GZMH: variants seen among roughly 807,000 people sequenced by gnomAD.
GZMH encodes cathepsin G-like 2, protein h-CCPX.
A neutral mutation model predicts 20.7 loss-of-function variants in GZMH; 24 were observed. That is an observed-to-expected ratio of 1.16 (90% CI 0.84 to 1.63). GZMH has a LOEUF of 1.63. GZMH is among the 40% of genes most tolerant of loss of function. GZMH has a pLI of 0.00. For missense variants in GZMH, 344 were observed against 302.7 expected (o/e 1.14, Z -1.01); for synonymous variants, 119 against 116.1 (o/e 1.02, Z -0.16).
In GZMH at chr14:24,608,381, G is replaced by A. The variant is rs759866455; in HGVS notation, c.87C>T (p.Pro29=). The A allele has an allele frequency of 2.3e-5, 37 of 1,613,990 alleles. No homozygotes were observed. The East Asian group carries it at 6.2e-4, about 27-fold the overall frequency. ...CAAAGGCCATGTAGGGGCGGGAGTG[G>A]GGCTTGGCCTCATGGCCCCCGATGA... ...EEIIGGHEAK[P]HSRPYMAFVQ... The change falls in exon 2 of 5, where the codon CCC becomes CCT. Residue 29 remains proline (P), a synonymous_variant. Coordinates refer to ENST00000216338, the MANE Select transcript of GZMH (RefSeq NM_033423.5).
chr14:24,608,483 G>T, intron 1 of GZMH, 71 bp from the exon 2 acceptor site: 1 of 1,533,108 alleles, frequency 6.5e-7, no homozygotes, highest in Non-Finnish European at 9.0e-7. Flanking sequence ...TAGGACGACA[G>T]TGATTGAGGG....
Position 24,608,245 on chromosome 14 carries a change from G to C in GZMH, c.203+20C>G, listed in dbSNP as rs767906593. The C allele has an allele frequency of 6.2e-7, 1 of 1,613,834 alleles. No individual in the cohort carries two copies. On this transcript the variant is annotated intron_variant, in intron 2 of 4. Coordinates refer to ENST00000216338, the MANE Select transcript of GZMH (RefSeq NM_033423.5). ...TCCCTGTAGGGGGAACTCAGGAGGT[G>C]AGCTGGTGCTGCTCCTTACCTTCCC...
chr14:24,607,924 A>T (rs146149215), intron 2 of GZMH, among the ~76,000 whole-genome samples, 177 bp from the exon 3 acceptor site: 1 of 152,242 alleles, frequency 6.6e-6, no homozygotes, highest in African/African-American at 2.4e-5. Context: ...CATGAAGAGT[A>T]GGGCTTCTGG....
In GZMH at chr14:24,606,628, A is replaced by C. The variant is rs1243691928; in HGVS notation, c.716T>G (p.Ile239Arg). ...TTAGAGGCGCTTCATTGTTCTCTTT[A>C]TCCAGGGCAGGAAGTGTGAGACCTT... ...YIKVSHFLPWIKRTMKRL is the reference protein window; with the variant it reads ...YIKVSHFLPWRKRTMKRL The change falls in exon 5 of 5, where the codon ATA (isoleucine) becomes AGA (arginine). Residue 239 changes from isoleucine to arginine, a missense_variant. Physicochemically the swap from Ile to Arg is moderately conservative, Grantham distance 97. Transcript: ENST00000216338. The C allele has an allele frequency of 6.2e-7, 1 of 1,613,964 alleles. No homozygotes were observed. The highest frequency in any genetic ancestry group is 1.1e-5 in the South Asian group (1 of 91,072).
intron 1 of GZMH, among the ~76,000 whole-genome samples, chr14:24,609,019 G>A (rs1295929087): frequency 1.3e-5 from 2 of 152,248 alleles, no homozygotes; most frequent in Non-Finnish European, 2.9e-5. Context: ...GGCCTGCAAA[G>A]GCAGAAGGAA....
Position 24,607,198 on chromosome 14 carries a change from G to A in GZMH, c.548C>T (p.Ala183Val), listed in dbSNP as rs2066875549. The part of the protein sequence containing the change: ...ERLFHGNYSR[A>V]TEICVGDPKK... Reference sequence around the variant, plus strand: ...TGGATCCCCCACACAAATCTCAGTGGCTCTGCTGTAATTGCCATGGAAGAG... The same window carrying A: ...TGGATCCCCCACACAAATCTCAGTGACTCTGCTGTAATTGCCATGGAAGAG... Residue 183 changes from alanine (A) to valine (V), a missense_variant, in exon 4 of 5, where the codon GCC (alanine) becomes GTC (valine). Ala to Val is a moderately conservative substitution (Grantham distance 64). Coordinates refer to ENST00000216338, the MANE Select transcript of GZMH (RefSeq NM_033423.5). 6.2e-7 allele frequency: 1 copy of A among 1,614,102 alleles called. No individual in the cohort carries two copies. Among genetic ancestry groups the A allele is most frequent in the Non-Finnish European group, 8.5e-7 (1 of 1,179,976 alleles).
In GZMH at chr14:24,607,178, C is replaced by A; in HGVS notation, c.568G>T (p.Asp190Tyr). ...AAACCGGTCTGTGTCTTCTTTGGATCCCCCACACAAATCTCAGTGGCTCTG... is the reference window on the plus strand; with the variant it reads ...AAACCGGTCTGTGTCTTCTTTGGATACCCCACACAAATCTCAGTGGCTCTG... ...YSRATEICVGDPKKTQTGFKG... is the reference protein window; with the variant it reads ...YSRATEICVGYPKKTQTGFKG... The change falls in exon 4 of 5, where the codon GAT becomes TAT. Residue 190 changes from aspartate (D) to tyrosine (Y), a missense_variant. By Grantham distance (160) the Asp-to-Tyr change is radical. Coordinates refer to ENST00000216338, the MANE Select transcript of GZMH (RefSeq NM_033423.5). The A allele has an allele frequency of 1.2e-6, 2 of 1,613,680 alleles. No homozygotes were observed. The highest frequency in any genetic ancestry group is 4.5e-5 in the East Asian group (2 of 44,874).
At chr14:24,608,476 G>A in intron 1 of GZMH, 64 bp from the exon 2 acceptor site, 1 of 1,573,006 alleles carries the variant, frequency 6.4e-7, no homozygotes, top group Non-Finnish European at 8.7e-7. Context: ...GAAGGCTTAG[G>A]ACGACAGTGA....
chr14:24,607,096 C>T lies in GZMH; in HGVS notation c.597+53G>A, dbSNP rs1594817206. 2.2e-5 allele frequency: 35 copies of T among 1,565,430 alleles called. No homozygotes were observed. The East Asian group carries it at 4.7e-4, about 21-fold the overall frequency. ...TGGCCACTGTCATACCCCAGAACTC[C>T]CTCAAGTTCCTCTCTCCCTGTGGTC... On this transcript the variant is annotated intron_variant, in intron 4 of 4. Transcript: ENST00000216338.
At chr14:24,607,586 G>A (rs759012225) in intron 3 of GZMH, 26 bp downstream of exon 3, 5 of 1,611,848 alleles carry the variant, frequency 3.1e-6, no homozygotes, top group Admixed American at 3.3e-5. Context: ...ACCAAGAAGA[G>A]CAAGAGTGGC....
chr14:24,606,520 C>A lies in GZMH; in HGVS notation c.*83G>T. 1 of 1,290,800 alleles carries A rather than the reference C, an allele frequency of 7.7e-7. No homozygotes were observed. Among genetic ancestry groups the A allele is most frequent in the Non-Finnish European group, 1.1e-6 (1 of 921,484 alleles). The allele number at this position is 1,290,800 out of a possible 1,614,324, so 80.0% of individuals were successfully genotyped here. On this transcript the variant is annotated 3_prime_UTR_variant, in exon 5 of 5. Transcript: ENST00000216338. ...AGATCCATTTATTACAGTCCTGCAA[C>A]CCCGACTGCCCACCCCTTGGGGATT...
chr14:24,607,557 T>C (rs1341764870), intron 3 of GZMH, 55 bp downstream of exon 3: 13 of 1,611,348 alleles, frequency 8.1e-6, no homozygotes, highest in Non-Finnish European at 1.1e-5. Flanking sequence ...GGCATCCCAG[T>C]GGGAGTGGAA....
In GZMH at chr14:24,606,709, G is replaced by A; in HGVS notation, c.635C>T (p.Ala212Val). 6.2e-7 allele frequency: 1 copy of A among 1,613,800 alleles called. No homozygotes were observed. The highest frequency in any genetic ancestry group is 8.5e-7 in the Non-Finnish European group (1 of 1,179,732). ...SGGPLVCKDV[A>V]QGILSYGNKK... ...GTTTCCATAGGAGAGAATACCTTGG[G>A]CTACGTCCTTACACACGAGGGGCCC... is the stretch of plus-strand genomic sequence containing the variant. Residue 212 changes from alanine (A) to valine (V), a missense_variant, in exon 5 of 5, where the codon GCC becomes GTC. Physicochemically the swap from Ala to Val is moderately conservative, Grantham distance 64. Transcript: ENST00000216338.
At chr14:24,608,569 A>G (rs1445579514) in intron 1 of GZMH, among the ~76,000 whole-genome samples, 157 bp from the exon 2 acceptor site, 1 of 152,242 alleles carries the variant, frequency 6.6e-6, no homozygotes, top group Non-Finnish European at 1.5e-5. Context: ...TTGCAGGCAG[A>G]GCAAGCTTTT....
At chr14:24,608,162 G>T in intron 2 of GZMH, 103 bp downstream of exon 2, 2 of 1,253,824 alleles carry the variant, frequency 1.6e-6, no homozygotes, top group Non-Finnish European at 2.3e-6. Flanking sequence ...TCATGGGCTT[G>T]TGTTACCAGG....
intron 2 of GZMH, 122 bp from the exon 3 acceptor site, chr14:24,607,869 G>A: frequency 4.8e-6 from 7 of 1,447,600 alleles, no homozygotes; most frequent in Non-Finnish European, 6.7e-6. Flanking sequence ...TGAAGGGACA[G>A]GAGGGCTCCA....
chr14:24,608,023 C>A (rs1240891395), intron 2 of GZMH, among the ~76,000 whole-genome samples: 1 of 152,184 alleles, frequency 6.6e-6, no homozygotes, highest in Admixed American at 6.5e-5. Flanking sequence ...TTACTACTGC[C>A]TTATTGGGCC....
In GZMH at chr14:24,607,627, G is replaced by A. The variant is rs2066880307; in HGVS notation, c.324C>T (p.Asp108=). The part of the protein sequence containing the change: ...PAYNPKNFSN[D]IMLLQLERKA... ...TGTGCCTCACCTGCAGTAGCATGAT[G>A]TCGTTGGAGAAGTTCTTAGGATTAT... Residue 108 remains aspartate, a synonymous_variant, in exon 3 of 5, where the codon GAC becomes GAT. Coordinates refer to ENST00000216338, the MANE Select transcript of GZMH (RefSeq NM_033423.5). 1.9e-6 allele frequency: 3 copies of A among 1,612,662 alleles called. No homozygotes were observed. The highest frequency in any genetic ancestry group is 1.1e-5 in the South Asian group (1 of 91,020).
rs558566520 is a variant in GZMH, at chr14:24,607,309, C to T, written c.437G>A (p.Gly146Asp). ...VKPGQLCSVA[G>D]WGYVSMSTLA... ...AGTGCTCATTGAGACATAACCCCAG[C>T]CAGCCACACTGCACAGCTGCCCTGG... The change falls in exon 4 of 5, where the codon GGC (glycine) becomes GAC (aspartate). Residue 146 changes from glycine to aspartate, a missense_variant. Transcript: ENST00000216338. The T allele has an allele frequency of 2.9e-4, 468 of 1,613,948 alleles. 8 individuals carry two copies. In the South Asian group the frequency reaches 4.4e-3, roughly 15 times the overall value.
Sources: gnomAD v4.1 joint callset for allele counts (sites outside exome capture counted in the v4.1 genomes callset) on GRCh38, gnomAD v4.1.1 for gene constraint, MANE v1.5 for transcripts, NCBI Gene and HGNC (gene_info 2026-07-23, HGNC 2026-07-21) for gene names.